Variants in FZD6 observed in about 807,000 individuals in gnomAD.
FZD6 encodes frizzled-6.
Under a neutral mutation model 61.4 loss-of-function variants are expected in FZD6, and 49 were observed. The ratio of observed to expected loss-of-function variants is 0.80; its 90% CI spans 0.63 to 1.01. FZD6 has a LOEUF of 1.01. FZD6 is among the 50% of genes least tolerant of loss of function. The pLI, the probability that FZD6 is intolerant of heterozygous loss-of-function variation, is 0.00. For synonymous variants in FZD6, 265 were observed against 292.2 expected (o/e 0.91, Z 0.95); for missense variants, 724 against 848.2 (o/e 0.85, Z 1.82).
intron 4 of FZD6, among the ~76,000 whole-genome samples, chr8:103,325,808 G>A (rs1028185058): frequency 1.3e-5 from 2 of 152,224 alleles, no homozygotes; most frequent in Non-Finnish European, 1.5e-5. Flanking sequence ...GAGAAAAACA[G>A]AAGTCACTTT....
chr8:103,307,867 A>G (rs1586505924), intron 2 of FZD6: 1 of 456,126 alleles, frequency 2.2e-6, no homozygotes, highest in Non-Finnish European at 4.4e-6. Flanking sequence ...GCTACAGCTA[A>G]GATGCTGGCA....
chr8:103,305,349 C>G (rs1024096286), intron 2 of FZD6, among the ~76,000 whole-genome samples: 1 of 152,176 alleles, frequency 6.6e-6, no homozygotes, highest in Non-Finnish European at 1.5e-5. Context: ...TTCCTTTCCA[C>G]CTGTTAATAT....
At chr8:103,309,160 G>A (rs920844446) in intron 2 of FZD6, among the ~76,000 whole-genome samples, 2 of 152,142 alleles carry the variant, frequency 1.3e-5, no homozygotes, top group African/African-American at 2.4e-5. Context: ...TGAATCAATA[G>A]GTCTGGGATG....
At chr8:103,303,574 G>A (rs1814234468) in intron 2 of FZD6, among the ~76,000 whole-genome samples, 1 of 152,044 alleles carries the variant, frequency 6.6e-6, no homozygotes. Flanking sequence ...CATGGTAGAG[G>A]CTACATAAAA....
intron 3 of FZD6, among the ~76,000 whole-genome samples, chr8:103,323,782 T>G (rs767427899): frequency 1.3e-4 from 20 of 152,154 alleles, no homozygotes; most frequent in Non-Finnish European, 2.4e-4. Context: ...ATAATACTGG[T>G]ATGTACAAAC....
At chr8:103,329,048 A>G (rs1448015317) in intron 5 of FZD6, among the ~76,000 whole-genome samples, 1 of 66,212 alleles carries the variant, frequency 1.5e-5, no homozygotes, top group Non-Finnish European at 3.6e-5. Context: ...CACACTATAT[A>G]CAAGGTACTA....
rs1192966381 is a variant in FZD6, at chr8:103,329,986, A to G, written c.1873A>G (p.Ile625Val). 2 of 1,614,040 alleles carry G rather than the reference A, an allele frequency of 1.2e-6. No homozygotes were observed. The highest frequency in any genetic ancestry group is 2.2e-5 in the East Asian group (1 of 44,884). ...TGAACCTGCCTCGCCAGCAGCATCC[A>G]TCTCCAGACTCTCTGGGGAACAGGT... ...CGEPASPAASISRLSGEQVDG... is the reference protein window; with the variant it reads ...CGEPASPAASVSRLSGEQVDG... Residue 625 changes from isoleucine (I) to valine (V), a missense_variant, in exon 6 of 7, where the codon ATC (isoleucine) becomes GTC (valine). Coordinates refer to ENST00000358755, the MANE Select transcript of FZD6 (RefSeq NM_003506.4).
intron 4 of FZD6, among the ~76,000 whole-genome samples, chr8:103,327,511 G>A (rs1814986362): frequency 6.6e-6 from 1 of 152,164 alleles, no homozygotes; most frequent in South Asian, 2.1e-4. Context: ...CGGGAGAATT[G>A]CTTGAACGCG....
intron 4 of FZD6, among the ~76,000 whole-genome samples, chr8:103,325,777 A>C (rs1187681662): frequency 1.3e-5 from 2 of 152,256 alleles, no homozygotes; most frequent in Non-Finnish European, 2.9e-5. Context: ...GCAGAGTCAG[A>C]AGAACAGACC....
chr8:103,327,008 G>T (rs1409927250), intron 4 of FZD6, among the ~76,000 whole-genome samples: 1 of 152,152 alleles, frequency 6.6e-6, no homozygotes, highest in Non-Finnish European at 1.5e-5. Context: ...CCACTGTGTG[G>T]TGAAACAATA....
In FZD6 at chr8:103,331,486, G is replaced by A. The variant is rs749153508; in HGVS notation, c.2098G>A (p.Gly700Ser). ...TTCAGGAGTGAGAAAAGAGCAGGGA[G>A]GTGGTTGTCATTCAGATACTTGAAG... ...PVSGVRKEQG[G>S]GCHSDT Residue 700 changes from glycine to serine, a missense_variant, in exon 7 of 7, where the codon GGT becomes AGT. Transcript: ENST00000358755. 8.7e-6 allele frequency: 14 copies of A among 1,611,956 alleles called. No individual in the cohort carries two copies. Among genetic ancestry groups the A allele is most frequent in the Non-Finnish European group, 1.2e-5 (14 of 1,178,176 alleles).
At chr8:103,328,243 T>C in intron 4 of FZD6, 25 bp from the exon 5 acceptor site, 1 of 1,583,514 alleles carries the variant, frequency 6.3e-7, no homozygotes, top group East Asian at 2.2e-5. Context: ...TCACTGAAAA[T>C]ATTATTATTC....
chr8:103,311,629 A>G (rs1814498192), intron 2 of FZD6, among the ~76,000 whole-genome samples: 1 of 147,300 alleles, frequency 6.8e-6, no homozygotes, highest in Non-Finnish European at 1.5e-5. Flanking sequence ...GCAGTGAACT[A>G]TGATTGTGCC....
chr8:103,306,141 C>T (rs532822745), intron 2 of FZD6, among the ~76,000 whole-genome samples: 1 of 152,302 alleles, frequency 6.6e-6, no homozygotes, highest in South Asian at 2.1e-4. Flanking sequence ...CAAAGGTACT[C>T]TCTTCTGGAG....
chr8:103,324,701 A>G lies in FZD6; in HGVS notation c.595A>G (p.Lys199Glu). The change falls in exon 4 of 7, where the codon AAA (lysine) becomes GAA (glutamate). Residue 199 changes from lysine to glutamate, a missense_variant. Lys to Glu is a moderately conservative substitution (Grantham distance 56, BLOSUM62 1). Transcript: ENST00000358755. ...YFKSDELEFA[K>E]SFIGTVSIFC... is the part of the protein sequence containing the mutation. The stretch of plus-strand genomic sequence containing the variant: ...TAAAAGTGATGAGCTAGAGTTTGCA[A>G]AAAGTTTTATTGGAACAGTTTCAAT... 1.2e-6 allele frequency: 2 copies of G among 1,614,122 alleles called. No individual in the cohort carries two copies. Among genetic ancestry groups the G allele is most frequent in the Non-Finnish European group, 1.7e-6 (2 of 1,179,960 alleles).
intron 2 of FZD6, among the ~76,000 whole-genome samples, chr8:103,303,304 G>T (rs1342738849): frequency 6.6e-6 from 1 of 152,170 alleles, no homozygotes; most frequent in Non-Finnish European, 1.5e-5. Flanking sequence ...TGAGCCGTCT[G>T]TCTACCTACC....
chr8:103,301,832 C>A (rs916729705), intron 2 of FZD6, among the ~76,000 whole-genome samples: 1 of 152,128 alleles, frequency 6.6e-6, no homozygotes, highest in South Asian at 2.1e-4. Context: ...TTGTTCTGCA[C>A]GTCTTTTTAA....
intron 3 of FZD6, among the ~76,000 whole-genome samples, chr8:103,319,306 A>G (rs1814716512): frequency 6.6e-6 from 1 of 152,228 alleles, no homozygotes; most frequent in African/African-American, 2.4e-5. Context: ...AAAAGCTAGT[A>G]TAGCTGGAGT....
chr8:103,311,632 A>G (rs547236383), intron 2 of FZD6, among the ~76,000 whole-genome samples: 222 of 143,796 alleles, frequency 1.5e-3, no homozygotes, highest in African/African-American at 5.1e-3. Flanking sequence ...GTGAACTATG[A>G]TTGTGCCACT....
Sources: allele counts gnomAD v4.1 joint callset (sites outside exome capture counted in the v4.1 genomes callset), GRCh38; gene constraint gnomAD v4.1.1; transcripts MANE v1.5; gene names NCBI Gene and HGNC (gene_info 2026-07-23, HGNC 2026-07-21).